The following LYST variants were observed in gnomAD, a reference collection of about 807,000 sequenced individuals.
The protein encoded by LYST is lysosomal trafficking regulator.
A neutral mutation model predicts 413.6 loss-of-function variants in LYST; 192 were observed. The ratio of observed to expected loss-of-function variants is 0.46; its 90% confidence interval spans 0.41 to 0.52. The LOEUF (loss-of-function observed/expected upper bound fraction) is 0.52. LYST is among the 20% of genes least tolerant of loss of function. The pLI is 0.00. For synonymous variants in LYST, 1,525 were observed against 1,567.3 expected, an observed-to-expected ratio of 0.97 and a Z score of 0.64; for missense variants, 3,815 against 4,499.9, an observed-to-expected ratio of 0.85 and a Z score of 4.35.
At chr1:235,675,804 T>G (rs1292718592) in intron 50 of LYST, among the ~76,000 whole-genome samples, 3 of 152,180 alleles carry the variant, frequency 2.0e-5, no homozygotes, top group Non-Finnish European at 2.9e-5. Context: ...GCCTCCAAAT[T>G]TGCAAACTTC....
intron 1 of LYST, among the ~76,000 whole-genome samples, chr1:235,856,531 A>G (rs1395403155): frequency 6.6e-6 from 1 of 152,226 alleles, no homozygotes; most frequent in East Asian, 1.9e-4. Context: ...AAATGTAGTA[A>G]GTATCAACAT....
Position 235,737,935 on chromosome 1 carries a change from C to T in LYST, c.8359-3276G>A, listed in dbSNP as rs186787739. On this transcript the variant is annotated intron_variant, in intron 31 of 52. Coordinates refer to ENST00000389793, the MANE Select transcript of LYST (RefSeq NM_000081.4). ...CCGACGAGTCTGGATCTCACTGCCGCGTGCCCCAACACCCGCCGGACGTGC... is the reference window on the plus strand; with the variant it reads ...CCGACGAGTCTGGATCTCACTGCCGTGTGCCCCAACACCCGCCGGACGTGC... The T allele has an allele frequency of 2.2e-5, 27 of 1,233,764 alleles. No homozygotes were observed. The Admixed American group carries it at 3.7e-4, about 17-fold the overall frequency. The allele number at this position is 1,233,764 out of a possible 1,614,324, so 76.4% of individuals were successfully genotyped here.
Position 235,741,567 on chromosome 1 carries a change from T to C in LYST, c.8213A>G (p.Glu2738Gly). 6.2e-7 allele frequency: 1 copy of C among 1,614,112 alleles called. No homozygotes were observed. Among genetic ancestry groups the C allele is most frequent in the African/African-American group, 1.3e-5 (1 of 75,022 alleles). The part of the protein sequence containing the change: ...QWTKILWSCK[E>G]TFRMQLGRLL... ...TCTCCCAAGCTGCATTCGGAAGGTC[T>C]CCTTACAAGACCACAGAATTTTAGT... Residue 2738 changes from glutamate to glycine, a missense_variant, in exon 31 of 53, where the codon GAG (glutamate) becomes GGG (glycine). Coordinates refer to ENST00000389793, the MANE Select transcript of LYST (RefSeq NM_000081.4).
Position 235,777,250 on chromosome 1 carries a change from G to A in LYST, c.5273C>T (p.Pro1758Leu), listed in dbSNP as rs890977144. Residue 1758 changes from proline (P) to leucine (L), a missense_variant, in exon 17 of 53, where the codon CCA becomes CTA. Coordinates refer to ENST00000389793, the MANE Select transcript of LYST (RefSeq NM_000081.4). The part of the protein sequence containing the change: ...YCPAQYTIYE[P>L]VIRLKGQMKT... ...CATTTGACCTTTAAGTCTAATCACT[G>A]GTTCATAGATGGTATACTGAGCAGG... The A allele has an allele frequency of 6.2e-7, 1 of 1,611,924 alleles. No individual in the cohort carries two copies. Among genetic ancestry groups the A allele is most frequent in the Non-Finnish European group, 8.5e-7 (1 of 1,178,292 alleles).
At position 235,806,556 on chromosome 1, in the gene LYST, A is replaced by C; in HGVS notation, c.2580T>G (p.His860Gln). The change falls in exon 6 of 53, where the codon CAT becomes CAG. Residue 860 changes from histidine (H) to glutamine (Q), a missense_variant. By Grantham distance (24) the His-to-Gln change is conservative. Coordinates refer to ENST00000389793, the MANE Select transcript of LYST (RefSeq NM_000081.4). ...GAGGAGAATCTGAATAAGCTTGCTG[A>C]TGATGAAAAGAAGTACCCACATGTA... ...SSVHVGTSFH[H>Q]QQAYSDSPQS... 1 of 1,614,116 alleles carries C rather than the reference A, an allele frequency of 6.2e-7. No individual in the cohort carries two copies. Among genetic ancestry groups the C allele is most frequent in the Non-Finnish European group, 8.5e-7 (1 of 1,179,962 alleles).
chr1:235,693,519 T>C (rs1350336687), intron 46 of LYST, 33 bp from the exon 47 acceptor site: 1 of 1,613,430 alleles, frequency 6.2e-7, no homozygotes, highest in East Asian at 2.2e-5. Flanking sequence ...AGTATCAGAT[T>C]GTCACTGCTC....
chr1:235,663,102 T>C, intron 52 of LYST, 24 bp from the exon 53 acceptor site: 7 of 1,426,666 alleles, frequency 4.9e-6, no homozygotes, highest in Non-Finnish European at 6.9e-6. Flanking sequence ...AAAATTCCCA[T>C]TTGTACATTA....
Position 235,777,293 on chromosome 1 carries a change from C to G in LYST, c.5230G>C (p.Val1744Leu), listed in dbSNP as rs1669373081. The G allele has an allele frequency of 3.1e-6, 5 of 1,612,640 alleles. No individual in the cohort carries two copies. In the East Asian group the frequency reaches 1.1e-4, roughly 36 times the overall value. Residue 1744 changes from valine to leucine, a missense_variant, in exon 17 of 53, where the codon GTT becomes CTT. By Grantham distance (32) the Val-to-Leu change is conservative. Coordinates refer to ENST00000389793, the MANE Select transcript of LYST (RefSeq NM_000081.4). ...IGLLIESLSV[V>L]YTTYCPAQYT... ...TGAGCAGGACAGTAAGTTGTATAAA[C>G]AACTGAAAGACTTTCCTGAAATACA... is the stretch of plus-strand genomic sequence containing the variant.
intron 31 of LYST, 106 bp downstream of exon 31, chr1:235,741,316 T>A: frequency 3.0e-6 from 3 of 1,015,904 alleles, no homozygotes; most frequent in Non-Finnish European, 4.6e-6. Context: ...GAAAATTATA[T>A]TTATAAATTA....
At chr1:235,784,364 A>C (rs971916154) in intron 14 of LYST, among the ~76,000 whole-genome samples, 1 of 152,204 alleles carries the variant, frequency 6.6e-6, no homozygotes, top group Admixed American at 6.5e-5. Context: ...ACAGAGTGAT[A>C]TGTGAATCAA....
intron 10 of LYST, among the ~76,000 whole-genome samples, chr1:235,794,440 A>G (rs1396549190): frequency 6.6e-6 from 1 of 152,200 alleles, no homozygotes. Context: ...AATTCATAGA[A>G]TTCTTTGGAG....
intron 28 of LYST, among the ~76,000 whole-genome samples, chr1:235,749,981 C>G (rs1003610011): frequency 5.3e-5 from 8 of 151,994 alleles, no homozygotes; most frequent in African/African-American, 1.9e-4. Context: ...AGAGGAGGAA[C>G]AGATGTGAGA....
At chr1:235,826,903 G>C (rs1449175208) in intron 3 of LYST, among the ~76,000 whole-genome samples, 1 of 151,834 alleles carries the variant, frequency 6.6e-6, no homozygotes, top group Non-Finnish European at 1.5e-5. Flanking sequence ...GGCTGGTCTC[G>C]AACTCCAGGC....
chr1:235,755,628 G>C lies in LYST; in HGVS notation c.7079C>G (p.Ala2360Gly). The C allele has an allele frequency of 6.2e-7, 1 of 1,608,512 alleles. No individual in the cohort carries two copies. The highest frequency in any genetic ancestry group is 1.1e-5 in the South Asian group (1 of 90,932). The change falls in exon 25 of 53, where the codon GCT (alanine) becomes GGT (glycine). Residue 2360 changes from alanine (A) to glycine (G), a missense_variant. By Grantham distance (60) the Ala-to-Gly change is moderately conservative (BLOSUM62 0). Transcript: ENST00000389793. ...GVIKLLDAYF[A>G]RASKEQKDKF... ...ATCTTTTTGTTCCTTAGATGCTCTA[G>C]CAAAATATGCATCTAATAGCTAAAC...
intron 1 of LYST, among the ~76,000 whole-genome samples, chr1:235,882,193 A>C (rs1437732274): frequency 6.6e-6 from 1 of 152,124 alleles, no homozygotes; most frequent in East Asian, 1.9e-4. Flanking sequence ...TCTTGAAAAA[A>C]GAGGAGGAGT....
chr1:235,669,137 G>A (rs539846757), intron 50 of LYST, among the ~76,000 whole-genome samples: 1 of 152,288 alleles, frequency 6.6e-6, no homozygotes, highest in East Asian at 1.9e-4. Context: ...GGAATTTACT[G>A]TCTTCTGTAT....
At chr1:235,828,338 A>T (rs1178292432) in intron 3 of LYST, 1 of 173,366 alleles carries the variant, frequency 5.8e-6, no homozygotes, top group African/African-American at 2.4e-5. Context: ...AAATATTCCA[A>T]AATTAACTGT....
chr1:235,680,712 C>T (rs1435021291), intron 48 of LYST, among the ~76,000 whole-genome samples: 3 of 152,084 alleles, frequency 2.0e-5, no homozygotes, highest in African/African-American at 7.2e-5. Context: ...GATTCTCCTG[C>T]CTCAGCTTCC....
chr1:235,669,308 G>C (rs1658736258), intron 50 of LYST, among the ~76,000 whole-genome samples: 1 of 152,200 alleles, frequency 6.6e-6, no homozygotes, highest in African/African-American at 2.4e-5. Context: ...TGGAGGCAGG[G>C]AACCTAAGAC....
Sources: allele counts gnomAD v4.1 joint callset (sites outside exome capture counted in the v4.1 genomes callset), GRCh38; gene constraint gnomAD v4.1.1; transcripts MANE v1.5; gene names NCBI Gene and HGNC (gene_info 2026-07-23, HGNC 2026-07-21).